Variants in TOP1MT observed in about 807,000 individuals in gnomAD.
The protein encoded by TOP1MT is DNA topoisomerase I, mitochondrial.
Under a neutral mutation model 73.9 loss-of-function variants are expected in TOP1MT, and 80 were observed. That is an observed-to-expected ratio of 1.08 (90% confidence interval 0.90 to 1.30). The LOEUF is 1.30. Among genes scored for constraint, TOP1MT ranks in the 50% most tolerant of loss-of-function variants. TOP1MT has a pLI of 0.00. For missense variants in TOP1MT, 815 were observed against 808.0 expected (o/e 1.01, Z -0.10); for synonymous variants, 338 against 326.4 (o/e 1.04, Z -0.38).
At chr8:143,315,002 C>G (rs7459839) in intron 12 of TOP1MT, among the ~76,000 whole-genome samples, 1 of 151,760 alleles carries the variant, frequency 6.6e-6, no homozygotes, top group Non-Finnish European at 1.5e-5. Flanking sequence ...CTAGCGGTAA[C>G]GCCAGCGTCT....
rs750371654 is a variant in TOP1MT at position 143,329,483 on chromosome 8, G to A, written c.239-12C>T. ...TCTCACAGGCCTTCCTGCAGGCATCGGAAGACACATCGTATGAGAGAGCGG... is the reference window on the plus strand; with the variant it reads ...TCTCACAGGCCTTCCTGCAGGCATCAGAAGACACATCGTATGAGAGAGCGG... On this transcript the variant is annotated splice_polypyrimidine_tract_variant and intron_variant, in intron 2 of 13. Coordinates refer to ENST00000329245, the MANE Select transcript of TOP1MT (RefSeq NM_052963.3). 8.1e-6 allele frequency: 13 copies of A among 1,605,624 alleles called. No individual in the cohort carries two copies. Among genetic ancestry groups the A allele is most frequent in the South Asian group, 4.4e-5 (4 of 89,914 alleles).
At chr8:143,326,071 C>G in intron 4 of TOP1MT, 151 bp downstream of exon 4, 1 of 824,728 alleles carries the variant, frequency 1.2e-6, no homozygotes, top group Non-Finnish European at 1.8e-6. Flanking sequence ...GACACTTAAG[C>G]ACATGCAGGG....
chr8:143,339,781 C>T (rs542610799), upstream of TOP1MT, among the ~76,000 whole-genome samples: 1 of 136,262 alleles, frequency 7.3e-6, no homozygotes, highest in South Asian at 2.3e-4. Context: ...TTCCCCTGCT[C>T]CCAGCGCTGA....
intron 4 of TOP1MT, 100 bp downstream of exon 4, chr8:143,326,122 G>A: frequency 7.3e-7 from 1 of 1,360,962 alleles, no homozygotes. Context: ...TGTGAGAAGG[G>A]GCTTCTCTAA....
intron 12 of TOP1MT, among the ~76,000 whole-genome samples, chr8:143,310,921 C>A (rs1054022742): frequency 1.3e-5 from 2 of 151,284 alleles, no homozygotes; most frequent in South Asian, 2.1e-4. Context: ...AGCACGCACA[C>A]ACAGTCCTTC....
upstream of TOP1MT, among the ~76,000 whole-genome samples, chr8:143,356,526 G>A (rs1434782180): frequency 2.6e-5 from 4 of 152,190 alleles, no homozygotes; most frequent in East Asian, 5.8e-4. Context: ...AGTGGCTCAC[G>A]CCTGTAATCC....
At chr8:143,353,806 A>G (rs2467948) in intron 1 of TOP1MT, among the ~76,000 whole-genome samples, 16,042 of 151,554 alleles carry the variant, frequency 0.11, 2,892 homozygotes, top group African/African-American at 0.37. Flanking sequence ...TCTACTAAAA[A>G]TACAAAAATT....
intron 8 of TOP1MT, 27 bp from the exon 9 acceptor site, chr8:143,318,113 G>T: frequency 6.2e-7 from 1 of 1,611,386 alleles, no homozygotes; most frequent in South Asian, 1.1e-5. Context: ...GAATTTCAGA[G>T]GACAGAAAAA....
At chr8:143,328,330 C>T (rs1048713024) in intron 3 of TOP1MT, 2 of 444,784 alleles carry the variant, frequency 4.5e-6, no homozygotes, top group East Asian at 7.0e-5. Context: ...ACCCAGGATG[C>T]GTTTTTAAAA....
At chr8:143,314,230 G>A (rs373097192) in intron 12 of TOP1MT, among the ~76,000 whole-genome samples, 41 of 152,190 alleles carry the variant, frequency 2.7e-4, no homozygotes, top group Admixed American at 7.9e-4. Flanking sequence ...CCTCCTTGGC[G>A]GCCAGGGTCT....
At chr8:143,315,574 CTTTT>C (rs1445542751) in intron 12 of TOP1MT, among the ~76,000 whole-genome samples, 149 bp downstream of exon 12, 2 of 152,088 alleles carry the variant, frequency 1.3e-5, no homozygotes, top group African/African-American at 2.4e-5. Flanking sequence ...GCTGTCCTTT[CTTTT>C]ATCTCTTTGT....
intron 12 of TOP1MT, among the ~76,000 whole-genome samples, chr8:143,314,345 C>T (rs1034593778): frequency 1.3e-5 from 2 of 152,090 alleles, no homozygotes; most frequent in Non-Finnish European, 2.9e-5. Flanking sequence ...TGCCTGTAAT[C>T]CCAGCACTTT....
intron 1 of TOP1MT, among the ~76,000 whole-genome samples, chr8:143,331,567 T>C (rs1466221981): frequency 6.6e-6 from 1 of 152,136 alleles, no homozygotes; most frequent in African/African-American, 2.4e-5. Context: ...CGTGTGCTGC[T>C]GAGTCACGGA....
At chr8:143,322,903 C>A (rs371194084) in intron 7 of TOP1MT, among the ~76,000 whole-genome samples, 1,781 of 43,860 alleles carry the variant, frequency 0.041, 57 homozygotes, top group Non-Finnish European at 0.068. Context: ...ACACGCACGC[C>A]ACACACGCAC....
chr8:143,356,381 C>G (rs565060144), upstream of TOP1MT, among the ~76,000 whole-genome samples: 1 of 152,386 alleles, frequency 6.6e-6, no homozygotes, highest in East Asian at 1.9e-4. Context: ...GCAGCAGATC[C>G]AACCCTTCTG....
chr8:143,337,012 T>C (rs1306909006), upstream of TOP1MT, among the ~76,000 whole-genome samples: 1 of 152,116 alleles, frequency 6.6e-6, no homozygotes, highest in Non-Finnish European at 1.5e-5. Flanking sequence ...ACAATAAATT[T>C]AACAAAGGAA....
At chr8:143,323,706 A>ACCACACACATGCACG (rs1816615726) in intron 7 of TOP1MT, among the ~76,000 whole-genome samples, 1 of 54,374 alleles carries the variant, frequency 1.8e-5, no homozygotes, top group Non-Finnish European at 4.7e-5. Flanking sequence ...ACACAGGCAC[A>ACCACACACATGCACG]CCACACACAT....
At chr8:143,322,225 C>G (rs1352528475) in intron 7 of TOP1MT, among the ~76,000 whole-genome samples, 1 of 72,892 alleles carries the variant, frequency 1.4e-5, no homozygotes, top group African/African-American at 5.1e-5. Flanking sequence ...CACACAGGCA[C>G]GCCACACACA....
chr8:143,326,321 T>C lies in TOP1MT; in HGVS notation c.384A>G (p.Glu128=). 2 of 1,614,004 alleles carry C rather than the reference T, an allele frequency of 1.2e-6. No homozygotes were observed. The highest frequency in any genetic ancestry group is 2.2e-5 in the East Asian group (1 of 44,878). The change falls in exon 4 of 14, where the codon GAA becomes GAG. Residue 128 remains glutamate (E), a synonymous_variant. Transcript: ENST00000329245. ...WRKEMAVEER[E]VIKSLDKCDF... ...CACACTTGTCCAGGCTCTTGATGAC[T>C]TCCCTCTCTTCCACCGCCATTTCCT...
Sources: allele counts gnomAD v4.1 joint callset (sites outside exome capture counted in the v4.1 genomes callset), GRCh38; gene constraint gnomAD v4.1.1; transcripts MANE v1.5; gene names NCBI Gene and HGNC (gene_info 2026-07-23, HGNC 2026-07-21).